The following TDRD9 variants were observed in gnomAD, a reference collection of about 807,000 sequenced individuals.
TDRD9 encodes ATP-dependent RNA helicase TDRD9.
Under a neutral mutation model 172.6 loss-of-function variants are expected in TDRD9, and 124 were observed. The observed-to-expected ratio is 0.72, with a 90% CI of 0.62 to 0.83. The LOEUF (loss-of-function observed/expected upper bound fraction) is 0.83. Ranked by LOEUF, TDRD9 falls within the 40% of genes least tolerant of loss-of-function variation. The pLI is 0.00. For missense variants in TDRD9, 1,479 were observed against 1,714.1 expected (o/e 0.86, Z 2.42); for synonymous variants, 619 against 617.1 (o/e 1.00, Z -0.05).
chr14:103,975,265 TC>T (rs1208870945), intron 6 of TDRD9, 123 bp from the exon 7 acceptor site: 37 of 756,794 alleles, frequency 4.9e-5, no homozygotes, highest in Non-Finnish European at 7.2e-5. Context: ...ATCAGGGTGG[TC>T]TGTTTAAAGT....
chr14:104,037,360 G>A (rs1377283060), intron 32 of TDRD9, among the ~76,000 whole-genome samples: 2 of 152,184 alleles, frequency 1.3e-5, no homozygotes, highest in African/African-American at 4.8e-5. Flanking sequence ...TTCGGGTGGC[G>A]TCTGGCTGCT....
At chr14:103,961,743 G>A (rs79264610) in intron 2 of TDRD9, among the ~76,000 whole-genome samples, 3,532 of 152,230 alleles carry the variant, frequency 0.023, 79 homozygotes, top group East Asian at 0.071. Flanking sequence ...CAGGGACCAC[G>A]TAACTTTGAT....
At chr14:103,945,814 T>C (rs553812805) in intron 1 of TDRD9, among the ~76,000 whole-genome samples, 6 of 152,158 alleles carry the variant, frequency 3.9e-5, no homozygotes, top group African/African-American at 7.2e-5. Flanking sequence ...AAGAAAAGTT[T>C]AGAAAGACAA....
At chr14:104,030,553 C>T (rs1214131278) in intron 28 of TDRD9, among the ~76,000 whole-genome samples, 2 of 152,180 alleles carry the variant, frequency 1.3e-5, no homozygotes, top group African/African-American at 4.8e-5. Flanking sequence ...CTCTTAAATT[C>T]TCTAATGGGT....
intron 7 of TDRD9, among the ~76,000 whole-genome samples, chr14:103,985,084 A>G (rs546098875): frequency 6.6e-6 from 1 of 152,266 alleles, no homozygotes; most frequent in Admixed American, 6.5e-5. Context: ...CATTGTATCT[A>G]GGAAGTAACT....
chr14:103,987,218 G>A (rs2033703807), intron 8 of TDRD9, among the ~76,000 whole-genome samples: 1 of 151,606 alleles, frequency 6.6e-6, no homozygotes, highest in African/African-American at 2.4e-5. Flanking sequence ...CCATAGTTTT[G>A]CCTTTTCCAG....
intron 32 of TDRD9, among the ~76,000 whole-genome samples, chr14:104,038,320 G>A (rs2035512260): frequency 2.0e-5 from 3 of 152,220 alleles, no homozygotes; most frequent in South Asian, 4.1e-4. Context: ...GAATGAGGGT[G>A]GATTAAAAGA....
chr14:103,965,375 G>C lies in TDRD9; in HGVS notation c.463G>C (p.Gly155Arg). 1.9e-6 allele frequency: 3 copies of C among 1,551,714 alleles called. No individual in the cohort carries two copies. The highest frequency in any genetic ancestry group is 2.6e-6 in the Non-Finnish European group (3 of 1,147,002). ...IESNSVVIIHGATGSGKSTQL... is the reference protein window; with the variant it reads ...IESNSVVIIHRATGSGKSTQL... ...AAGTAATTCCGTGGTGATTATCCAT[G>C]GGGCCACGGGAAGCGGTAAAAGCAC... Residue 155 changes from glycine (G) to arginine (R), a missense_variant, in exon 4 of 36, where the codon GGG becomes CGG. Gly to Arg is a moderately radical substitution (Grantham distance 125, BLOSUM62 -2). Around this residue, in one of 3 missense-constraint regions of TDRD9, gnomAD observed 1,413 missense variants for 1,649.1 expected, o/e 0.86. Coordinates refer to ENST00000409874, the MANE Select transcript of TDRD9 (RefSeq NM_153046.3).
At chr14:103,992,356 G>A (rs1241743500) in intron 9 of TDRD9, among the ~76,000 whole-genome samples, 1 of 152,174 alleles carries the variant, frequency 6.6e-6, no homozygotes, top group Non-Finnish European at 1.5e-5. Context: ...CTTAATTTTG[G>A]AATGCAACAT....
chr14:103,998,994 C>T (rs1185512311), intron 13 of TDRD9, among the ~76,000 whole-genome samples: 1 of 152,062 alleles, frequency 6.6e-6, no homozygotes, highest in Admixed American at 6.6e-5. Flanking sequence ...GGGGTTTCGC[C>T]GTGTTAGCCA....
intron 15 of TDRD9, among the ~76,000 whole-genome samples, 193 bp from the exon 16 acceptor site, chr14:104,006,196 G>A (rs2034432618): frequency 6.6e-6 from 1 of 152,060 alleles, no homozygotes; most frequent in South Asian, 2.1e-4. Flanking sequence ...TAAAAAAAAA[G>A]TAAAATGTGT....
At chr14:104,022,584 G>A (rs868640658) in intron 24 of TDRD9, among the ~76,000 whole-genome samples, 4 of 152,012 alleles carry the variant, frequency 2.6e-5, no homozygotes, top group South Asian at 2.1e-4. Context: ...AAAATTAGCC[G>A]GGCATGGTCG....
At chr14:104,043,619 C>T (rs949054208) in intron 34 of TDRD9, among the ~76,000 whole-genome samples, 18 of 152,102 alleles carry the variant, frequency 1.2e-4, no homozygotes, top group African/African-American at 3.4e-4. Flanking sequence ...GTCAGAGCCC[C>T]GGTGCTCCTT....
chr14:104,022,705 C>T lies in TDRD9; in HGVS notation c.2606+375C>T, dbSNP rs749847748. On this transcript the variant is annotated intron_variant, in intron 24 of 35. Coordinates refer to ENST00000409874, the MANE Select transcript of TDRD9 (RefSeq NM_153046.3). The stretch of plus-strand genomic sequence containing the variant: ...TTGCACCACTGCACTCCAGCCTGGG[C>T]GACAGAACAAGACGCTGTCTTAAAA... Among the ~76,000 whole-genome samples the T allele has an allele frequency of 1.9e-4, 28 of 149,436 alleles. 1 individual carries two copies. The highest frequency in any genetic ancestry group is 3.5e-3 in the Middle Eastern group (1 of 288).
chr14:103,929,136 C>T (rs2030192482), intron 1 of TDRD9, among the ~76,000 whole-genome samples: 1 of 152,008 alleles, frequency 6.6e-6, no homozygotes, highest in Non-Finnish European at 1.5e-5. Context: ...GCCATCGTTA[C>T]AGGAGGGTTC....
Position 103,928,606 on chromosome 14 carries a change from C to G in TDRD9, c.97C>G (p.Pro33Ala). The change falls in exon 1 of 36, where the codon CCG becomes GCG. Residue 33 changes from proline (P) to alanine (A), a missense_variant. Coordinates refer to ENST00000409874, the MANE Select transcript of TDRD9 (RefSeq NM_153046.3). ...VELLGAPPAF[P>A]AGAAREEVQR... ...GCTGCTGGGCGCGCCGCCCGCCTTC[C>G]CGGCAGGGGCGGCCAGGGAGGAGGT... The G allele has an allele frequency of 1.5e-6, 2 of 1,333,970 alleles. No individual in the cohort carries two copies. Among genetic ancestry groups the G allele is most frequent in the Non-Finnish European group, 2.0e-6 (2 of 1,024,516 alleles). The allele number at this position is 1,333,970 out of a possible 1,614,324, so 82.6% of individuals were successfully genotyped here. A position where few individuals can be genotyped will look rare whatever the true frequency, so the allele number is the denominator to read the frequency against.
intron 5 of TDRD9, among the ~76,000 whole-genome samples, 151 bp downstream of exon 5, chr14:103,966,982 G>GT: frequency 6.6e-6 from 1 of 152,184 alleles, no homozygotes; most frequent in East Asian, 1.9e-4. Context: ...AGGATGGAAT[G>GT]TTTTTTGATT....
chr14:103,998,794 T>C, intron 13 of TDRD9, 66 bp downstream of exon 13: 2 of 733,920 alleles, frequency 2.7e-6, no homozygotes, highest in South Asian at 1.8e-5. Context: ...TCAGGTGCTT[T>C]TTTTTTTTTT....
chr14:104,004,228 TC>T lies in TDRD9; in HGVS notation c.1484-8del. ...ATGCCAAACACTGTTTGCACATCTC[TC>T]CTTTGAAGGCCGTGCTGGACGAGTG... On this transcript the variant is annotated splice_polypyrimidine_tract_variant and intron_variant, in intron 13 of 35. Coordinates refer to ENST00000409874, the MANE Select transcript of TDRD9 (RefSeq NM_153046.3). 1 of 1,511,226 alleles carries T rather than the reference TC, an allele frequency of 6.6e-7. No homozygotes were observed. Among genetic ancestry groups the T allele is most frequent in the Non-Finnish European group, 9.1e-7 (1 of 1,095,128 alleles). The allele number at this position is 1,511,226 out of a possible 1,614,324, so 93.6% of individuals were successfully genotyped here.
Sources: gnomAD v4.1 joint callset for allele counts (sites outside exome capture counted in the v4.1 genomes callset) on GRCh38, gnomAD v4.1.1 for gene constraint, gnomAD v4.1.1 regional missense constraint, MANE v1.5 for transcripts, NCBI Gene and HGNC (gene_info 2026-07-23, HGNC 2026-07-21) for gene names.